The following EPHA6 variants were observed in gnomAD, a reference collection of about 807,000 sequenced individuals.
EPHA6 encodes the protein ephrin type-A receptor 6.
Under a neutral mutation model 112.0 loss-of-function variants are expected in EPHA6, and 50 were observed. That is an observed-to-expected ratio of 0.45 (90% confidence interval 0.36 to 0.56). The LOEUF is 0.56. Among genes scored for constraint, EPHA6 ranks in the 20% least tolerant of loss-of-function variants. The pLI is 0.00. For missense variants in EPHA6, 1,280 were observed against 1,417.4 expected (o/e 0.90, Z 1.56); for synonymous variants, 529 against 490.7 (o/e 1.08, Z -1.03).
chr3:97,579,036 T>A (rs1275352896), intron 11 of EPHA6, among the ~76,000 whole-genome samples: 1 of 152,204 alleles, frequency 6.6e-6, no homozygotes, highest in Non-Finnish European at 1.5e-5. Context: ...TGTTCCACTA[T>A]CCAGTATTTA....
At chr3:97,160,879 G>A (rs1377648129) in intron 3 of EPHA6, among the ~76,000 whole-genome samples, 1 of 152,118 alleles carries the variant, frequency 6.6e-6, no homozygotes, top group Non-Finnish European at 1.5e-5. Flanking sequence ...TTTGAGTGGT[G>A]CCTGCATACA....
At chr3:97,145,512 T>G (rs543822316) in intron 3 of EPHA6, among the ~76,000 whole-genome samples, 2 of 150,890 alleles carry the variant, frequency 1.3e-5, no homozygotes, top group East Asian at 3.9e-4. Context: ...AAATACCTTA[T>G]TTACCTTTAG....
rs960751586 is a variant in EPHA6, at chr3:97,350,801, G to A, written c.1607-54349G>A. Reference sequence around the variant, plus strand: ...GGCTCTCTACTGCTACTCCTGCATTGTTTCTACATCTGAAGCCCTCAAGAA... The same window carrying A: ...GGCTCTCTACTGCTACTCCTGCATTATTTCTACATCTGAAGCCCTCAAGAA... On this transcript the variant is annotated intron_variant, in intron 5 of 17. Transcript: ENST00000389672. Among the ~76,000 whole-genome samples the A allele has an allele frequency of 2.6e-5, 4 of 151,508 alleles. No individual in the cohort carries two copies. In the Admixed American group the frequency reaches 2.6e-4, roughly 10 times the overall value.
At chr3:97,296,157 T>C (rs1423221441) in intron 5 of EPHA6, among the ~76,000 whole-genome samples, 1 of 151,968 alleles carries the variant, frequency 6.6e-6, no homozygotes, top group Admixed American at 6.6e-5. Context: ...CTGTTATTAA[T>C]GGTGTTTGCA....
chr3:97,170,504 A>T (rs1421382694), intron 3 of EPHA6, among the ~76,000 whole-genome samples: 2 of 152,148 alleles, frequency 1.3e-5, no homozygotes, highest in African/African-American at 4.8e-5. Flanking sequence ...TGGGAGGCCG[A>T]GGTGGACAGA....
intron 3 of EPHA6, among the ~76,000 whole-genome samples, chr3:96,996,989 A>G (rs1046283012): frequency 2.0e-5 from 3 of 152,234 alleles, no homozygotes; most frequent in African/African-American, 4.8e-5. Flanking sequence ...CTTCTGGATA[A>G]CTTACTGCAG....
intron 13 of EPHA6, among the ~76,000 whole-genome samples, chr3:97,637,602 G>A (rs777923409): frequency 5.3e-5 from 8 of 151,982 alleles, no homozygotes; most frequent in Non-Finnish European, 1.0e-4. Flanking sequence ...TATTACCTAA[G>A]CTTTTGAAAT....
At chr3:97,366,421 A>G (rs1458894506) in intron 5 of EPHA6, among the ~76,000 whole-genome samples, 1 of 152,206 alleles carries the variant, frequency 6.6e-6, no homozygotes, top group African/African-American at 2.4e-5. Flanking sequence ...TCAGCTATGG[A>G]AGATTTAAGG....
Position 97,071,886 on chromosome 3 carries a change from C to T in EPHA6, c.1114+83893C>T, listed in dbSNP as rs372380397. On this transcript the variant is annotated intron_variant, in intron 3 of 17. Transcript: ENST00000389672. ...TCCTCACCCGTCCCGCATTTTCCCC[C>T]GAGTCCCCCATGTCCTTTGTGTCAT... Among the ~76,000 whole-genome samples the T allele has an allele frequency of 4.8e-4, 73 of 152,096 alleles. No individual in the cohort carries two copies. The South Asian group carries it at 9.8e-3, about 20-fold the overall frequency.
chr3:96,947,083 C>G (rs1274884276), intron 2 of EPHA6, among the ~76,000 whole-genome samples: 3 of 151,624 alleles, frequency 2.0e-5, no homozygotes, highest in Non-Finnish European at 4.4e-5. Flanking sequence ...GATATTAGGC[C>G]TTTGTCAGAT....
At chr3:97,219,469 C>T (rs950112936) in intron 3 of EPHA6, among the ~76,000 whole-genome samples, 1 of 152,168 alleles carries the variant, frequency 6.6e-6, no homozygotes, top group African/African-American at 2.4e-5. Flanking sequence ...CACCTGAAGG[C>T]CCAACAGCAC....
In EPHA6 at chr3:97,570,514, G is replaced by A. The variant is rs571455501; in HGVS notation, c.2387-22098G>A. Among the ~76,000 whole-genome samples the A allele has an allele frequency of 5.9e-5, 9 of 152,248 alleles. No individual in the cohort carries two copies. In the South Asian group the frequency reaches 8.3e-4, roughly 14 times the overall value. On this transcript the variant is annotated intron_variant, in intron 11 of 17. Coordinates refer to ENST00000389672, the MANE Select transcript of EPHA6 (RefSeq NM_001080448.3). Reference sequence around the variant, plus strand: ...TGGGAGGCTGAGGCAGGTGGATCACGAGGTCGGGAGTTGAACACCAGCCTG... The same window carrying A: ...TGGGAGGCTGAGGCAGGTGGATCACAAGGTCGGGAGTTGAACACCAGCCTG...
At chr3:97,395,910 A>C (rs1267053136) in intron 5 of EPHA6, among the ~76,000 whole-genome samples, 5 of 151,664 alleles carry the variant, frequency 3.3e-5, no homozygotes. Context: ...TGGAAGAGTT[A>C]ATTCTATTCA....
chr3:97,311,076 G>T (rs1173497783), intron 5 of EPHA6, among the ~76,000 whole-genome samples: 1 of 151,590 alleles, frequency 6.6e-6, no homozygotes. Flanking sequence ...CCCAATTCTG[G>T]TAAGTTAGTG....
At chr3:97,191,653 ATT>A (rs1452693682) in intron 3 of EPHA6, among the ~76,000 whole-genome samples, 2 of 151,900 alleles carry the variant, frequency 1.3e-5, no homozygotes, top group Non-Finnish European at 2.9e-5. Context: ...ACAGAATCTC[ATT>A]TTCTTTCACG....
intron 2 of EPHA6, among the ~76,000 whole-genome samples, chr3:96,905,657 G>C (rs1355326194): frequency 6.6e-6 from 1 of 151,550 alleles, no homozygotes; most frequent in Non-Finnish European, 1.5e-5. Flanking sequence ...GGAAAAGCTT[G>C]TAACTTTAAG....
At chr3:96,866,984 T>C (rs1232103191) in intron 2 of EPHA6, 95 bp downstream of exon 2, 5 of 629,324 alleles carry the variant, frequency 7.9e-6, no homozygotes, top group East Asian at 3.3e-5. Context: ...CTACTTGTTA[T>C]GAATTTTGAC....
chr3:97,642,916 G>A (rs1291145236), intron 14 of EPHA6, among the ~76,000 whole-genome samples: 2 of 146,614 alleles, frequency 1.4e-5, no homozygotes, highest in African/African-American at 5.0e-5. Context: ...GCAGGCCAAC[G>A]TTCAGATTCA....
intron 3 of EPHA6, among the ~76,000 whole-genome samples, chr3:97,085,484 C>T (rs907171807): frequency 6.6e-6 from 1 of 152,120 alleles, no homozygotes; most frequent in Non-Finnish European, 1.5e-5. Flanking sequence ...TGATCTTAAA[C>T]AAGTTACTTT....
Sources: allele counts gnomAD v4.1 joint callset (sites outside exome capture counted in the v4.1 genomes callset), GRCh38; gene constraint gnomAD v4.1.1; transcripts MANE v1.5; gene names NCBI Gene and HGNC (gene_info 2026-07-23, HGNC 2026-07-21).